CNTN4: variants seen among roughly 807,000 people sequenced by gnomAD.
CNTN4 encodes contactin 4.
Under a neutral mutation model 122.5 loss-of-function variants are expected in CNTN4, and 77 were observed. The ratio of observed to expected loss-of-function variants is 0.63; its 90% CI spans 0.52 to 0.76. The LOEUF is 0.76. Among genes scored for constraint, CNTN4 ranks in the 30% least tolerant of loss-of-function variants. The pLI, the probability that CNTN4 is intolerant of heterozygous loss-of-function variation, is 0.00. For synonymous variants in CNTN4, 512 were observed against 447.0 expected (o/e 1.15, Z -1.83); for missense variants, 1,256 against 1,259.1 (o/e 1.00, Z 0.04).
chr3:2,887,275 T>G, intron 10 of CNTN4, 51 bp downstream of exon 10: 1 of 1,545,712 alleles, frequency 6.5e-7, no homozygotes, highest in Non-Finnish European at 8.9e-7. Context: ...AACTTCCTGA[T>G]ATTGAAATCA....
chr3:2,701,024 C>T (rs562251444), intron 4 of CNTN4, among the ~76,000 whole-genome samples: 5 of 152,176 alleles, frequency 3.3e-5, no homozygotes, highest in Non-Finnish European at 7.3e-5. Context: ...AATAATGCTT[C>T]ACACCAGTGT....
intron 3 of CNTN4, among the ~76,000 whole-genome samples, chr3:2,506,007 G>C (rs2076720662): frequency 6.7e-6 from 1 of 150,236 alleles, no homozygotes; most frequent in Non-Finnish European, 1.5e-5. Flanking sequence ...ATTTTAAACA[G>C]ACACTCGCTT....
intron 4 of CNTN4, among the ~76,000 whole-genome samples, chr3:2,676,480 C>T (rs2084852369): frequency 6.6e-6 from 1 of 152,204 alleles, no homozygotes; most frequent in African/African-American, 2.4e-5. Context: ...CCTCGGCCTC[C>T]CAGATTGCTG....
chr3:2,203,197 T>C (rs1261906482), intron 2 of CNTN4, among the ~76,000 whole-genome samples: 1 of 152,156 alleles, frequency 6.6e-6, no homozygotes, highest in African/African-American at 2.4e-5. Flanking sequence ...TGTTGACTTT[T>C]ACACAGTATT....
rs1282041280 is a variant in CNTN4, at chr3:2,270,110, C to T, written c.-144-69068C>T. 3.3e-5 allele frequency among the ~76,000 whole-genome samples: 3 copies of T among 92,242 alleles called. 1 individual carries two copies. Among genetic ancestry groups the T allele is most frequent in the Non-Finnish European group, 4.9e-5 (2 of 41,154 alleles). The allele number at this position is 92,242 out of a possible 152,430, so 60.5% of individuals were successfully genotyped here. A position where few individuals can be genotyped will look rare whatever the true frequency, so the allele number is the denominator to read the frequency against. On this transcript the variant is annotated intron_variant, in intron 2 of 24. Coordinates refer to ENST00000418658, the MANE Select transcript of CNTN4 (RefSeq NM_175607.3). ...GACTACAGGCGCCCGCCACCGCGCC[C>T]GGCTAATTTTTTGTATTTTTAGTAG...
chr3:2,967,605 G>T (rs1362641631), intron 13 of CNTN4, among the ~76,000 whole-genome samples: 1 of 152,168 alleles, frequency 6.6e-6, no homozygotes, highest in African/African-American at 2.4e-5. Flanking sequence ...ACAGCTTGGA[G>T]GTTAGAAGCA....
intron 14 of CNTN4, among the ~76,000 whole-genome samples, chr3:3,006,353 G>A (rs1696648745): frequency 6.6e-6 from 1 of 152,060 alleles, no homozygotes; most frequent in Non-Finnish European, 1.5e-5. Context: ...TTTATTGAAT[G>A]GATGGAAGAA....
intron 13 of CNTN4, among the ~76,000 whole-genome samples, chr3:2,939,097 A>G (rs955442111): frequency 1.3e-5 from 2 of 152,186 alleles, no homozygotes; most frequent in Non-Finnish European, 2.9e-5. Context: ...GGGATCATAT[A>G]CTAAGTTTGA....
intron 2 of CNTN4, among the ~76,000 whole-genome samples, chr3:2,187,663 G>C (rs919317238): frequency 6.6e-6 from 1 of 152,182 alleles, no homozygotes; most frequent in Non-Finnish European, 1.5e-5. Flanking sequence ...TCGACTACAT[G>C]CAGAGATGTA....
chr3:2,247,695 G>C (rs545491959), intron 2 of CNTN4, among the ~76,000 whole-genome samples: 1 of 152,104 alleles, frequency 6.6e-6, no homozygotes, highest in East Asian at 1.9e-4. Context: ...CATATTATTT[G>C]AGCGACAGCA....
In CNTN4 at chr3:2,566,495, G is replaced by C. The variant is rs1463559504; in HGVS notation, c.-88-4921G>C. 3.3e-5 allele frequency among the ~76,000 whole-genome samples: 5 copies of C among 152,168 alleles called. No individual in the cohort carries two copies. In the East Asian group the frequency reaches 9.6e-4, roughly 29 times the overall value. On this transcript the variant is annotated intron_variant, in intron 3 of 24. Transcript: ENST00000418658. Reference sequence around the variant, plus strand: ...CCTTTATTCTTTCATTTACATACTAGCTGTTGATTGGCTGCCTGCTCTGGT... The same window carrying C: ...CCTTTATTCTTTCATTTACATACTACCTGTTGATTGGCTGCCTGCTCTGGT...
intron 6 of CNTN4, among the ~76,000 whole-genome samples, chr3:2,816,404 C>T (rs952889090): frequency 6.6e-6 from 1 of 151,338 alleles, no homozygotes; most frequent in African/African-American, 2.4e-5. Flanking sequence ...AAGAATGATA[C>T]GATGGACTTT....
At chr3:2,240,382 C>G (rs1224397355) in intron 2 of CNTN4, among the ~76,000 whole-genome samples, 4 of 151,994 alleles carry the variant, frequency 2.6e-5, no homozygotes, top group Non-Finnish European at 5.9e-5. Flanking sequence ...ATTAAATGCT[C>G]CTTTTGTTCC....
At chr3:2,921,271 G>C (rs986038027) in intron 12 of CNTN4, among the ~76,000 whole-genome samples, 2 of 152,114 alleles carry the variant, frequency 1.3e-5, no homozygotes, top group South Asian at 2.1e-4. Flanking sequence ...TCCTGGTTTC[G>C]AGTGATCCTC....
intron 2 of CNTN4, among the ~76,000 whole-genome samples, chr3:2,114,038 A>T (rs2033163076): frequency 6.6e-6 from 1 of 152,174 alleles, no homozygotes. Flanking sequence ...TAAAAAGAAA[A>T]CTCAAATTAC....
intron 4 of CNTN4, among the ~76,000 whole-genome samples, chr3:2,588,172 G>A (rs1419627115): frequency 6.6e-6 from 1 of 151,930 alleles, no homozygotes; most frequent in African/African-American, 2.4e-5. Context: ...ATGTATTAAA[G>A]CCTGGCACGT....
chr3:2,107,530 C>T (rs926942891), intron 2 of CNTN4, among the ~76,000 whole-genome samples: 14 of 152,076 alleles, frequency 9.2e-5, no homozygotes, highest in Non-Finnish European at 1.8e-4. Flanking sequence ...GGGAACTGCT[C>T]CCATGATCCA....
chr3:2,372,826 G>A (rs902300112), intron 3 of CNTN4, among the ~76,000 whole-genome samples: 1 of 152,154 alleles, frequency 6.6e-6, no homozygotes, highest in Non-Finnish European at 1.5e-5. Context: ...TGAGGTGGGC[G>A]GATCACTGGA....
At chr3:2,350,073 T>C (rs2044550780) in intron 3 of CNTN4, among the ~76,000 whole-genome samples, 1 of 152,160 alleles carries the variant, frequency 6.6e-6, no homozygotes, top group African/African-American at 2.4e-5. Context: ...AAATGTGTCT[T>C]AGAGAAGTCA....
Sources: gnomAD v4.1 joint callset for allele counts (sites outside exome capture counted in the v4.1 genomes callset) on GRCh38, gnomAD v4.1.1 for gene constraint, MANE v1.5 for transcripts, NCBI Gene and HGNC (gene_info 2026-07-23, HGNC 2026-07-21) for gene names.